ATP9B: variants seen among roughly 807,000 people sequenced by gnomAD.
The protein encoded by ATP9B is probable phospholipid-transporting ATPase IIB.
In ATP9B, 110 loss-of-function variants were observed where a neutral mutation model predicts 146.1. The ratio of observed to expected loss-of-function variants is 0.75; its 90% CI spans 0.65 to 0.88. The LOEUF (loss-of-function observed/expected upper bound fraction) is 0.88. Ranked by LOEUF, ATP9B falls within the 40% of genes least tolerant of loss-of-function variation. The pLI is 0.00. For synonymous variants in ATP9B, 604 were observed against 569.7 expected (o/e 1.06, Z -0.86); for missense variants, 1,499 against 1,496.4 (o/e 1.00, Z -0.03).
intron 6 of ATP9B, among the ~76,000 whole-genome samples, chr18:79,151,716 T>C (rs2094692250): frequency 6.6e-6 from 1 of 150,500 alleles, no homozygotes; most frequent in Non-Finnish European, 1.5e-5. Flanking sequence ...TTCTGATATG[T>C]ATGTAGAAGT....
chr18:79,264,350 T>C (rs776677061), intron 12 of ATP9B, among the ~76,000 whole-genome samples: 4 of 152,230 alleles, frequency 2.6e-5, no homozygotes, highest in Non-Finnish European at 4.4e-5. Flanking sequence ...ATTTTCTCTT[T>C]TGTGAACTTT....
chr18:79,365,832 A>G (rs2097024412), intron 26 of ATP9B, among the ~76,000 whole-genome samples: 1 of 143,514 alleles, frequency 7.0e-6, no homozygotes, highest in African/African-American at 2.7e-5. Flanking sequence ...ATGGAAGGAC[A>G]TCTCCGTGGA....
In ATP9B at chr18:79,304,146, G is replaced by T. The variant is rs148183816; in HGVS notation, c.1524+430G>T. On this transcript the variant is annotated intron_variant, in intron 14 of 29. Transcript: ENST00000426216. ...TAGACACCATCGTGTTGGGAATCTCGTATCTGTCATTCACCTACCTGTCAT... is the reference window on the plus strand; with the variant it reads ...TAGACACCATCGTGTTGGGAATCTCTTATCTGTCATTCACCTACCTGTCAT... Among the ~76,000 whole-genome samples, 647 of 151,976 alleles carry T rather than the reference G, an allele frequency of 4.3e-3. 4 individuals are homozygous for T. Among genetic ancestry groups the T allele is most frequent in the African/African-American group, 0.014 (598 of 41,446 alleles).
rs749250662 is a variant in ATP9B at position 79,347,937 on chromosome 18, T to C, written c.2838+12T>C. ...TCTCCACCATGCAGGTACTAAGCCT[T>C]CTGTGCTGGCACCCATGGAGGGCAG... On this transcript the variant is annotated intron_variant, in intron 24 of 29. Coordinates refer to ENST00000426216, the MANE Select transcript of ATP9B (RefSeq NM_198531.5). The C allele has an allele frequency of 3.1e-6, 5 of 1,609,506 alleles. No individual in the cohort carries two copies. In the South Asian group the frequency reaches 4.4e-5, roughly 14 times the overall value.
chr18:79,249,148 G>T (rs918354244), intron 11 of ATP9B, among the ~76,000 whole-genome samples: 1 of 151,586 alleles, frequency 6.6e-6, no homozygotes, highest in African/African-American at 2.4e-5. Flanking sequence ...TTTATTGTTG[G>T]TATAAACCAT....
chr18:79,325,844 T>A (rs2096741414), intron 15 of ATP9B, among the ~76,000 whole-genome samples: 2 of 152,138 alleles, frequency 1.3e-5, no homozygotes, highest in South Asian at 4.1e-4. Flanking sequence ...CTCTGCACAC[T>A]CCATTCCTTC....
chr18:79,373,895 C>T lies in ATP9B; in HGVS notation c.3071-3C>T. ...CATGGAAAAAGCTCCTGCTGTTTTT[C>T]AGGCGGCATCCTCATGTATGGGGCC... is the stretch of plus-strand genomic sequence containing the variant. On this transcript the variant is annotated splice_polypyrimidine_tract_variant and splice_region_variant and intron_variant, in intron 27 of 29. Coordinates refer to ENST00000426216, the MANE Select transcript of ATP9B (RefSeq NM_198531.5). The T allele has an allele frequency of 1.2e-6, 2 of 1,612,530 alleles. No homozygotes were observed. The highest frequency in any genetic ancestry group is 1.7e-6 in the Non-Finnish European group (2 of 1,180,012).
intron 7 of ATP9B, among the ~76,000 whole-genome samples, chr18:79,155,184 T>G (rs554952446): frequency 6.6e-6 from 1 of 152,348 alleles, no homozygotes; most frequent in East Asian, 1.9e-4. Context: ...GAGTTTATAG[T>G]CTTGGTGGAA....
chr18:79,270,598 C>T (rs1046737778), intron 12 of ATP9B, among the ~76,000 whole-genome samples: 1 of 151,966 alleles, frequency 6.6e-6, no homozygotes, highest in African/African-American at 2.4e-5. Flanking sequence ...ACCTGCAAAC[C>T]CTAATTTTAT....
At chr18:79,208,963 AG>A in intron 10 of ATP9B, among the ~76,000 whole-genome samples, 2 of 152,320 alleles carry the variant, frequency 1.3e-5, no homozygotes, top group South Asian at 4.1e-4. Context: ...AGGCACATTT[AG>A]CCAGGGAAAC....
intron 5 of ATP9B, among the ~76,000 whole-genome samples, chr18:79,127,185 A>G (rs984985659): frequency 1.3e-5 from 2 of 152,198 alleles, no homozygotes; most frequent in African/African-American, 4.8e-5. Context: ...TTAACACCTT[A>G]TTGGGCTCTA....
chr18:79,307,783 A>G (rs991321120), intron 15 of ATP9B, among the ~76,000 whole-genome samples: 11 of 152,222 alleles, frequency 7.2e-5, no homozygotes, highest in African/African-American at 2.7e-4. Context: ...TTTGATTTTT[A>G]GATCGGGAAA....
chr18:79,134,406 A>G (rs1037407507), intron 5 of ATP9B, among the ~76,000 whole-genome samples: 1 of 152,204 alleles, frequency 6.6e-6, no homozygotes, highest in Admixed American at 6.5e-5. Context: ...TCTGAGGACT[A>G]CTTTAATTCC....
chr18:79,290,944 G>A (rs148702877), intron 13 of ATP9B, among the ~76,000 whole-genome samples: 137 of 152,248 alleles, frequency 9.0e-4, no homozygotes, highest in African/African-American at 3.1e-3. Flanking sequence ...TTGTATGATG[G>A]TGTGGTAGAG....
intron 26 of ATP9B, among the ~76,000 whole-genome samples, chr18:79,371,479 T>A (rs2097070254): frequency 6.6e-6 from 1 of 151,274 alleles, no homozygotes; most frequent in Admixed American, 6.6e-5. Context: ...TCCGTCAGCA[T>A]CTTCACACAC....
intron 4 of ATP9B, among the ~76,000 whole-genome samples, chr18:79,114,442 C>T: frequency 6.6e-6 from 1 of 152,090 alleles, no homozygotes; most frequent in East Asian, 1.9e-4. Flanking sequence ...CTGTCCTGGC[C>T]TGGGTAGGCT....
intron 1 of ATP9B, chr18:79,095,628 C>A (rs1034181116): frequency 6.6e-6 from 1 of 152,150 alleles, no homozygotes; most frequent in Admixed American, 6.5e-5. Flanking sequence ...CTGCCTTTAT[C>A]CCAGAGGAAC....
At chr18:79,118,594 G>T (rs2094134970) in intron 4 of ATP9B, among the ~76,000 whole-genome samples, 1 of 151,528 alleles carries the variant, frequency 6.6e-6, no homozygotes, top group Non-Finnish European at 1.5e-5. Context: ...TAGAGATGGG[G>T]TTTTACCATG....
chr18:79,338,955 T>G (rs1184600797), intron 19 of ATP9B, among the ~76,000 whole-genome samples: 11 of 152,210 alleles, frequency 7.2e-5, no homozygotes, highest in Admixed American at 3.9e-4. Flanking sequence ...CAAGCCTTGA[T>G]GAAGATGCTG....
Sources: allele counts gnomAD v4.1 joint callset (sites outside exome capture counted in the v4.1 genomes callset), GRCh38; gene constraint gnomAD v4.1.1; transcripts MANE v1.5; gene names NCBI Gene and HGNC (gene_info 2026-07-23, HGNC 2026-07-21).